SMC5: variants seen among roughly 807,000 people sequenced by gnomAD.
The protein encoded by SMC5 is structural maintenance of chromosomes 5.
In SMC5, 88 loss-of-function variants were observed where a neutral mutation model predicts 148.3. That is an observed-to-expected ratio of 0.59 (90% CI 0.50 to 0.71). SMC5 has a LOEUF of 0.71. SMC5 is among the 30% of genes least tolerant of loss of function. The probability of loss-of-function intolerance (pLI) is 0.00; values close to 1 mark genes in which losing one functional copy is unlikely to be tolerated. For synonymous variants in SMC5, 421 were observed against 432.8 expected (o/e 0.97, Z 0.34); for missense variants, 1,142 against 1,298.9 (o/e 0.88, Z 1.86).
intron 17 of SMC5, among the ~76,000 whole-genome samples, chr9:70,328,591 T>G (rs1436043792): frequency 2.6e-5 from 4 of 152,180 alleles, no homozygotes; most frequent in Non-Finnish European, 5.9e-5. Context: ...TCGGCAGGGT[T>G]CAGCCCCCAC....
At chr9:70,319,604 T>A (rs2035896090) in intron 15 of SMC5, among the ~76,000 whole-genome samples, 1 of 152,210 alleles carries the variant, frequency 6.6e-6, no homozygotes, top group African/African-American at 2.4e-5. Flanking sequence ...TGGATATTAT[T>A]CTTTAATACT....
At chr9:70,306,541 A>G (rs748894956) in intron 11 of SMC5, among the ~76,000 whole-genome samples, 1 of 152,244 alleles carries the variant, frequency 6.6e-6, no homozygotes, top group Non-Finnish European at 1.5e-5. Context: ...GAAAGAGCTC[A>G]GTGGAGAAGT....
chr9:70,287,111 T>C (rs1397936746), intron 8 of SMC5, among the ~76,000 whole-genome samples: 1 of 152,188 alleles, frequency 6.6e-6, no homozygotes, highest in Non-Finnish European at 1.5e-5. Flanking sequence ...GACACTTACA[T>C]TGTAAAACTT....
At position 70,309,318 on chromosome 9, in the gene SMC5, C is replaced by CTTTTTTTTTTTTTTTT. The variant is rs59694037; in HGVS notation, c.1578+3974_1578+3989dup. On this transcript the variant is annotated intron_variant, in intron 11 of 24. Transcript: ENST00000361138. ...ATAGCAGAATTTCTTTTTCCTTTTC[C>CTTTTTTTTTTTTTTTT]TTTTTTTTTTTTTTTTTTTTTTTTT... 1.9e-4 allele frequency among the ~76,000 whole-genome samples: 15 copies of CTTTTTTTTTTTTTTTT among 79,160 alleles called. 1 individual carries two copies. The highest frequency in any genetic ancestry group is 3.3e-4 in the Non-Finnish European group (14 of 42,812). The allele number at this position is 79,160 out of a possible 152,430, so 51.9% of individuals were successfully genotyped here.
Position 70,337,973 on chromosome 9 carries a change from G to T in SMC5, c.2398-6171G>T, listed in dbSNP as rs187849211. 1.6e-3 allele frequency among the ~76,000 whole-genome samples: 247 copies of T among 151,748 alleles called. 1 individual carries two copies. Among genetic ancestry groups the T allele is most frequent in the African/African-American group, 5.7e-3 (236 of 41,366 alleles). On this transcript the variant is annotated intron_variant, in intron 17 of 24. Transcript: ENST00000361138. ...ACCATAACTCGTTATGTATTATTTT[G>T]ATTATATTTTAATAGTGCATAATTT... is the stretch of plus-strand genomic sequence containing the variant.
intron 17 of SMC5, among the ~76,000 whole-genome samples, chr9:70,334,308 C>T (rs2036301798): frequency 6.6e-6 from 1 of 151,958 alleles, no homozygotes; most frequent in East Asian, 1.9e-4. Context: ...TATAAAACTT[C>T]TTGAAGAAAA....
chr9:70,300,078 C>A lies in SMC5; in HGVS notation c.1342C>A (p.Leu448Ile). The A allele has an allele frequency of 6.3e-7, 1 of 1,593,380 alleles. No homozygotes were observed. Among genetic ancestry groups the A allele is most frequent in the Non-Finnish European group, 8.5e-7 (1 of 1,174,628 alleles). Reference protein sequence around the residue: ...VDDHIVRFDNLMNQKEDKLRQ... With the variant: ...VDDHIVRFDNIMNQKEDKLRQ... Reference sequence around the variant, plus strand: ...CGATCATATTGTACGTTTTGACAATCTTATGAATCAGAAGGAAGATAAGCT... The same window carrying A: ...CGATCATATTGTACGTTTTGACAATATTATGAATCAGAAGGAAGATAAGCT... The change falls in exon 10 of 25, where the codon CTT becomes ATT. Residue 448 changes from leucine to isoleucine, a missense_variant. Around this residue, in one of 5 missense-constraint regions of SMC5, gnomAD observed 743 missense variants for 835.7 expected, o/e 0.89. Coordinates refer to ENST00000361138, the MANE Select transcript of SMC5 (RefSeq NM_015110.4).
intron 17 of SMC5, among the ~76,000 whole-genome samples, chr9:70,343,147 C>CTT (rs11438728): frequency 0.013 from 1,855 of 141,614 alleles, 32 homozygotes; most frequent in South Asian, 0.072. Flanking sequence ...CTTTCAGTCT[C>CTT]TTTTTTTTTT....
intron 17 of SMC5, among the ~76,000 whole-genome samples, chr9:70,326,550 T>C (rs1399017252): frequency 6.6e-6 from 1 of 151,956 alleles, no homozygotes. Flanking sequence ...GTGATTACTT[T>C]GACTTTATGT....
At chr9:70,290,608 A>G (rs1255072247) in intron 8 of SMC5, among the ~76,000 whole-genome samples, 1 of 152,174 alleles carries the variant, frequency 6.6e-6, no homozygotes, top group African/African-American at 2.4e-5. Context: ...TTATTTGTGT[A>G]GATTCAGAGT....
At chr9:70,318,195 T>C (rs143094365) in intron 13 of SMC5, among the ~76,000 whole-genome samples, 3 of 152,208 alleles carry the variant, frequency 2.0e-5, no homozygotes, top group African/African-American at 4.8e-5. Context: ...AGCGCCCCCA[T>C]AGGAAGCATG....
chr9:70,296,021 C>T (rs2035192167), intron 8 of SMC5, among the ~76,000 whole-genome samples: 1 of 151,934 alleles, frequency 6.6e-6, no homozygotes, highest in African/African-American at 2.4e-5. Context: ...GATATATTTT[C>T]TCTTGCTTCT....
chr9:70,354,567 G>A lies in SMC5; in HGVS notation c.*2236G>A, dbSNP rs914314015. On this transcript the variant is annotated 3_prime_UTR_variant, in exon 25 of 25. Transcript: ENST00000361138. ...TACATAAAAATCGTAAAAACTTCTA[G>A]TAAAAACTTGATTTGGTGAATACAG... 1 of 152,152 alleles carries A rather than the reference G, an allele frequency of 6.6e-6. No individual in the cohort carries two copies. Among genetic ancestry groups the A allele is most frequent in the Non-Finnish European group, 1.5e-5 (1 of 68,024 alleles). The allele number at this position is 152,152 out of a possible 1,614,324, so 9.4% of individuals were successfully genotyped here. A position where few individuals can be genotyped will look rare whatever the true frequency, so the allele number is the denominator to read the frequency against.
chr9:70,305,658 G>A (rs1587669685), intron 11 of SMC5, among the ~76,000 whole-genome samples: 1 of 152,168 alleles, frequency 6.6e-6, no homozygotes, highest in African/African-American at 2.4e-5. Context: ...CATAATGATG[G>A]ACCTTTGGTC....
At chr9:70,319,023 A>G in intron 15 of SMC5, 60 bp downstream of exon 15, 1 of 1,391,090 alleles carries the variant, frequency 7.2e-7, no homozygotes, top group Non-Finnish European at 9.7e-7. Context: ...AATATTAATT[A>G]TACACTGTAA....
chr9:70,342,696 A>G (rs142587723), intron 17 of SMC5, among the ~76,000 whole-genome samples: 187 of 152,312 alleles, frequency 1.2e-3, no homozygotes, highest in South Asian at 6.8e-3. Flanking sequence ...TAGTGGTTGT[A>G]ACAGTGCTTG....
chr9:70,332,132 A>G (rs1212771313), intron 17 of SMC5, among the ~76,000 whole-genome samples: 1 of 152,158 alleles, frequency 6.6e-6, no homozygotes, highest in Non-Finnish European at 1.5e-5. Context: ...GACTAACCTT[A>G]TATTTATTTA....
intron 17 of SMC5, among the ~76,000 whole-genome samples, chr9:70,332,065 G>A (rs2036232152): frequency 6.6e-6 from 1 of 152,114 alleles, no homozygotes; most frequent in Admixed American, 6.5e-5. Flanking sequence ...TGATGAAATG[G>A]ACACATTTCT....
At chr9:70,268,541 C>T (rs2034355873) in intron 3 of SMC5, among the ~76,000 whole-genome samples, 2 of 148,294 alleles carry the variant, frequency 1.3e-5, no homozygotes. Context: ...TGAAATAGAA[C>T]TATACTACTA....
Sources: gnomAD v4.1 joint callset for allele counts (sites outside exome capture counted in the v4.1 genomes callset) on GRCh38, gnomAD v4.1.1 for gene constraint, gnomAD v4.1.1 regional missense constraint, MANE v1.5 for transcripts, NCBI Gene and HGNC (gene_info 2026-07-23, HGNC 2026-07-21) for gene names.